Variants in FARS2 observed in about 807,000 individuals in gnomAD.
The protein encoded by FARS2 is phenylalanine--tRNA ligase, mitochondrial.
In FARS2, 40 loss-of-function variants were observed where a neutral mutation model predicts 46.4. That is an observed-to-expected ratio of 0.86 (90% CI 0.67 to 1.12). The LOEUF (loss-of-function observed/expected upper bound fraction) is 1.12, where lower values mean the gene tolerates loss of function less well. FARS2 is among the 50% of genes most tolerant of loss of function. The pLI is 0.00. For missense variants in FARS2, 513 were observed against 567.9 expected, an observed-to-expected ratio of 0.90 and a Z score of 0.98; for synonymous variants, 234 against 214.9, an observed-to-expected ratio of 1.09 and a Z score of -0.78.
chr6:5,684,479 C>T (rs1032021437), intron 6 of FARS2, among the ~76,000 whole-genome samples: 3 of 152,298 alleles, frequency 2.0e-5, no homozygotes, highest in South Asian at 4.1e-4. Flanking sequence ...TAAGGTGATT[C>T]GCTTGTTTTC....
chr6:5,313,660 C>A (rs750654790), intron 1 of FARS2, among the ~76,000 whole-genome samples: 3 of 152,010 alleles, frequency 2.0e-5, no homozygotes, highest in Non-Finnish European at 4.4e-5. Context: ...AGGGAGGGAA[C>A]AGCCTAGGTG....
chr6:5,717,933 T>TGGAGAGAG (rs1554128878), intron 6 of FARS2, among the ~76,000 whole-genome samples: 3 of 128,226 alleles, frequency 2.3e-5, no homozygotes, highest in Non-Finnish European at 4.7e-5. Context: ...TATATATATA[T>TGGAGAGAG]ATACAGAGTC....
At chr6:5,381,899 G>C (rs1229371404) in intron 2 of FARS2, among the ~76,000 whole-genome samples, 1 of 152,186 alleles carries the variant, frequency 6.6e-6, no homozygotes, top group Non-Finnish European at 1.5e-5. Context: ...GTCTCTCTCC[G>C]AGGGCTGGGA....
chr6:5,744,109 G>C (rs1039678069), intron 6 of FARS2, among the ~76,000 whole-genome samples: 1 of 152,216 alleles, frequency 6.6e-6, no homozygotes, highest in Non-Finnish European at 1.5e-5. Flanking sequence ...GTGAGGGGAA[G>C]GTGTGCGAGA....
intron 6 of FARS2, among the ~76,000 whole-genome samples, chr6:5,637,731 C>T (rs1051678000): frequency 6.6e-6 from 1 of 152,188 alleles, no homozygotes; most frequent in African/African-American, 2.4e-5. Context: ...AAGGTGTGGG[C>T]AGAGTTAATT....
intron 1 of FARS2, among the ~76,000 whole-genome samples, chr6:5,325,380 G>A (rs1770296413): frequency 6.6e-6 from 1 of 152,228 alleles, no homozygotes; most frequent in African/African-American, 2.4e-5. Context: ...GGCATGCTAA[G>A]TACTGCCCCC....
intron 2 of FARS2, among the ~76,000 whole-genome samples, chr6:5,384,846 G>C (rs1312290642): frequency 2.0e-5 from 3 of 146,716 alleles, no homozygotes; most frequent in African/African-American, 7.4e-5. Flanking sequence ...TTTCACCACA[G>C]AATACTGACT....
chr6:5,497,738 G>A (rs1480537968), intron 4 of FARS2, among the ~76,000 whole-genome samples: 3 of 152,062 alleles, frequency 2.0e-5, no homozygotes, highest in Non-Finnish European at 2.9e-5. Flanking sequence ...ATAAATGTGG[G>A]TAATTTTATT....
In FARS2 at chr6:5,764,709, G is replaced by A. The variant is rs1008824392; in HGVS notation, c.1218-6582G>A. 1.3e-5 allele frequency among the ~76,000 whole-genome samples: 2 copies of A among 152,206 alleles called. No homozygotes were observed. The highest frequency in any genetic ancestry group is 4.8e-5 in the African/African-American group (2 of 41,440). ...TCGCTGCTCTGTCACAGATGGAGAA[G>A]CAGACTATTGTGGATGTTGCAGGAG... is the stretch of plus-strand genomic sequence containing the variant. On this transcript the variant is annotated intron_variant, in intron 6 of 6. Coordinates refer to ENST00000274680, the MANE Select transcript of FARS2 (RefSeq NM_006567.5). The surrounding 1 kb of genome is among the most constrained non-coding windows in gnomAD (Gnocchi z 4.1).
chr6:5,255,993 A>C, the FARS2 span, among the ~76,000 whole-genome samples: 11 of 152,176 alleles, frequency 7.2e-5, no homozygotes, highest in African/African-American at 2.4e-4. Context: ...GACTATCCTA[A>C]GTACTTGATG....
At chr6:5,432,336 AT>A (rs1296634523) in intron 4 of FARS2, among the ~76,000 whole-genome samples, 1 of 73,502 alleles carries the variant, frequency 1.4e-5, no homozygotes, top group African/African-American at 5.4e-5. Context: ...AAATATATAT[AT>A]ATATATATAT....
intron 1 of FARS2, among the ~76,000 whole-genome samples, chr6:5,289,166 C>A (rs531672280): frequency 6.6e-6 from 1 of 152,126 alleles, no homozygotes; most frequent in African/African-American, 2.4e-5. Flanking sequence ...AATCAAATTC[C>A]AGATTTAAGC....
At chr6:5,299,658 A>G (rs1340446905) in intron 1 of FARS2, among the ~76,000 whole-genome samples, 4 of 152,104 alleles carry the variant, frequency 2.6e-5, no homozygotes, top group Non-Finnish European at 4.4e-5. Context: ...TACATTGTGT[A>G]TGTCTCCTAA....
intron 5 of FARS2, among the ~76,000 whole-genome samples, chr6:5,611,246 C>T (rs929152650): frequency 2.6e-5 from 4 of 152,128 alleles, no homozygotes; most frequent in Non-Finnish European, 5.9e-5. Context: ...GGCTGAGGGC[C>T]AGAAGTGAGG....
intron 6 of FARS2, among the ~76,000 whole-genome samples, chr6:5,679,964 C>A (rs1359272602): frequency 6.6e-6 from 1 of 151,488 alleles, no homozygotes; most frequent in Non-Finnish European, 1.5e-5. Flanking sequence ...GAAAATTCAT[C>A]AAAGTGTTTT....
intron 2 of FARS2, among the ~76,000 whole-genome samples, chr6:5,372,157 T>G (rs1759101017): frequency 6.6e-6 from 1 of 152,080 alleles, no homozygotes; most frequent in African/African-American, 2.4e-5. Flanking sequence ...AAAGCAAAAC[T>G]GAAGAATTAA....
chr6:5,535,885 C>T (rs986019886), intron 4 of FARS2, among the ~76,000 whole-genome samples: 9 of 151,934 alleles, frequency 5.9e-5, no homozygotes, highest in Admixed American at 5.2e-4. Flanking sequence ...GGGGTAAATC[C>T]ATTTGATCAT....
chr6:5,624,421 G>A (rs1272560636), intron 6 of FARS2, among the ~76,000 whole-genome samples: 1 of 152,132 alleles, frequency 6.6e-6, no homozygotes, highest in East Asian at 1.9e-4. Flanking sequence ...GTCCTGGCAG[G>A]GACCCAGGAG....
intron 1 of FARS2, among the ~76,000 whole-genome samples, chr6:5,339,762 G>T (rs533275112): frequency 3.6e-4 from 55 of 152,264 alleles, no homozygotes; most frequent in African/African-American, 1.2e-3. Context: ...ACAGATAGTG[G>T]TAAGAAGCTT....
Sources: gnomAD v4.1 joint callset for allele counts (sites outside exome capture counted in the v4.1 genomes callset) on GRCh38, gnomAD v4.1.1 for gene constraint, Gnocchi (gnomAD v3.1) non-coding constraint, MANE v1.5 for transcripts, NCBI Gene and HGNC (gene_info 2026-07-23, HGNC 2026-07-21) for gene names.